ADAM17: variants seen among roughly 807,000 people sequenced by gnomAD.
ADAM17 encodes disintegrin and metalloproteinase domain-containing protein 17.
In ADAM17, 39 loss-of-function variants were observed where a neutral mutation model predicts 96.7. The ratio of observed to expected loss-of-function variants is 0.40; its 90% CI spans 0.31 to 0.53. ADAM17 has a LOEUF of 0.53. ADAM17 is among the 20% of genes least tolerant of loss of function. The pLI is 0.44. For synonymous variants in ADAM17, 344 were observed against 359.2 expected (o/e 0.96, Z 0.48); for missense variants, 777 against 1,013.2 (o/e 0.77, Z 3.17).
intron 10 of ADAM17, among the ~76,000 whole-genome samples, chr2:9,516,614 G>A (rs1188431562): frequency 9.9e-5 from 15 of 151,998 alleles, no homozygotes; most frequent in African/African-American, 1.5e-4. Context: ...TTAGCCAGGC[G>A]TGGTGACAGG....
chr2:9,537,665 G>A (rs1369332683), intron 2 of ADAM17, among the ~76,000 whole-genome samples: 1 of 151,752 alleles, frequency 6.6e-6, no homozygotes, highest in Non-Finnish European at 1.5e-5. Flanking sequence ...CCGGGAGGCG[G>A]AGCCTGCTGT....
chr2:9,507,209 G>A (rs1446175329), intron 11 of ADAM17, among the ~76,000 whole-genome samples: 1 of 152,066 alleles, frequency 6.6e-6, no homozygotes, highest in Non-Finnish European at 1.5e-5. Flanking sequence ...TAAAACATAG[G>A]CTGGGCACAG....
rs749034410 is a variant in ADAM17, at chr2:9,497,105, AC to A, written c.1783+8del. The stretch of plus-strand genomic sequence containing the variant: ...CTCCTGCTGCTGGACTGGGAATAAA[AC>A]TGCTCACCATTACATGCACAGGACT... On this transcript the variant is annotated splice_region_variant and intron_variant, in intron 14 of 18. Transcript: ENST00000310823. 2.5e-6 allele frequency: 4 copies of A among 1,612,726 alleles called. No homozygotes were observed. The East Asian group carries it at 8.9e-5, about 36-fold the overall frequency.
In ADAM17 at chr2:9,509,963, C is replaced by A; in HGVS notation, c.1344+16G>T. On this transcript the variant is annotated intron_variant, in intron 11 of 18. Transcript: ENST00000310823. ...CTCTTTCCAAACCACATAAAAAATT[C>A]TCGACACACACATACCTTATTGTTC... is the stretch of plus-strand genomic sequence containing the variant. 6.2e-7 allele frequency: 1 copy of A among 1,613,028 alleles called. No individual in the cohort carries two copies. Among genetic ancestry groups the A allele is most frequent in the South Asian group, 1.1e-5 (1 of 90,982 alleles).
intron 14 of ADAM17, chr2:9,494,987 C>T (rs1031126040): frequency 7.3e-6 from 3 of 412,564 alleles, no homozygotes; most frequent in Non-Finnish European, 1.3e-5. Flanking sequence ...AAAAAAAATG[C>T]AGAGAAAAAT....
Position 9,493,747 on chromosome 2 carries a change from C to CAAA in ADAM17, c.1990_1992dup (p.Phe664dup), listed in dbSNP as rs1462182218. On this transcript the variant is annotated inframe_insertion and splice_region_variant, in exon 16 of 19. Transcript: ENST00000310823. Reference sequence around the variant, plus strand: ...TAAGTAATCTGGGGAAATCACCTACCAAAAGTATTGATGCTCAGCTGGTCA... The same window carrying CAAA: ...TAAGTAATCTGGGGAAATCACCTACCAAAAAAAGTATTGATGCTCAGCTGGTCA... 1 of 1,613,136 alleles carries CAAA rather than the reference C, an allele frequency of 6.2e-7. No homozygotes were observed. The highest frequency in any genetic ancestry group is 8.5e-7 in the Non-Finnish European group (1 of 1,179,296).
Position 9,490,038 on chromosome 2 carries a change from A to T in ADAM17, c.*139T>A. The T allele has an allele frequency of 1.3e-6, 1 of 760,444 alleles. No homozygotes were observed. The highest frequency in any genetic ancestry group is 2.1e-6 in the Non-Finnish European group (1 of 487,574). The allele number at this position is 760,444 out of a possible 1,614,324, so 47.1% of individuals were successfully genotyped here. On this transcript the variant is annotated 3_prime_UTR_variant, in exon 19 of 19. Transcript: ENST00000310823. ...GGGCCAAACCACACAAGAACTGTTTACCTGCAGGAAGTTCAAACACATGAC... is the reference window on the plus strand; with the variant it reads ...GGGCCAAACCACACAAGAACTGTTTTCCTGCAGGAAGTTCAAACACATGAC...
At chr2:9,513,400 G>C (rs1663849999) in intron 10 of ADAM17, among the ~76,000 whole-genome samples, 1 of 152,222 alleles carries the variant, frequency 6.6e-6, no homozygotes, top group Non-Finnish European at 1.5e-5. Flanking sequence ...CCAAAGAGGA[G>C]AATGTGGAAA....
chr2:9,543,258 T>C lies in ADAM17; in HGVS notation c.125A>G (p.Tyr42Cys). ...GATATTAGATAAAGAGAGAATATCG[T>C]AGTCTGAGAGCAAAGAATCAAGCTT... is the stretch of plus-strand genomic sequence containing the variant. Reference protein sequence around the residue: ...LEKLDSLLSDYDILSLSNIQQ... With the variant: ...LEKLDSLLSDCDILSLSNIQQ... Residue 42 changes from tyrosine (Y) to cysteine (C), a missense_variant, in exon 2 of 19, where the codon TAC becomes TGC. Tyr to Cys is a radical substitution (Grantham distance 194, BLOSUM62 -2). This residue lies in a region of ADAM17 where 134 missense variants were observed against 129.1 expected (regional missense o/e 1.04). Transcript: ENST00000310823. 6.2e-7 allele frequency: 1 copy of C among 1,604,234 alleles called. No individual in the cohort carries two copies. The highest frequency in any genetic ancestry group is 8.5e-7 in the Non-Finnish European group (1 of 1,176,600).
intron 7 of ADAM17, chr2:9,522,305 T>C: frequency 2.0e-6 from 1 of 492,110 alleles, no homozygotes; most frequent in Non-Finnish European, 3.7e-6. Flanking sequence ...ATACGACATC[T>C]CTAGAAAGAT....
At chr2:9,516,410 C>A (rs971856051) in intron 10 of ADAM17, among the ~76,000 whole-genome samples, 8 of 152,086 alleles carry the variant, frequency 5.3e-5, no homozygotes, top group Non-Finnish European at 1.2e-4. Context: ...TTTCAGATAG[C>A]AGTCTTTTCT....
At chr2:9,554,096 C>A (rs1228563482) in intron 1 of ADAM17, among the ~76,000 whole-genome samples, 5 of 152,158 alleles carry the variant, frequency 3.3e-5, no homozygotes, top group Admixed American at 3.3e-4. Flanking sequence ...ACCTTACGAT[C>A]TGCAAATGTT....
In ADAM17 at chr2:9,513,047, T is replaced by TA. The variant is rs571017253; in HGVS notation, c.1192-2917dup. 6.0e-3 allele frequency among the ~76,000 whole-genome samples: 915 copies of TA among 152,172 alleles called. 6 individuals carry two copies. The highest frequency in any genetic ancestry group is 9.7e-3 in the Non-Finnish European group (661 of 67,986). The stretch of plus-strand genomic sequence containing the variant: ...GACAAAGACTCCCTCTGTTGACCAG[T>TA]ACAGTGGCGCAATCTCAGCTCACTG... On this transcript the variant is annotated intron_variant, in intron 10 of 18. Transcript: ENST00000310823.
At chr2:9,527,680 T>C (rs749360020) in intron 5 of ADAM17, 106 bp downstream of exon 5, 18 of 750,656 alleles carry the variant, frequency 2.4e-5, no homozygotes, top group African/African-American at 7.2e-5. Flanking sequence ...CCAAATACTA[T>C]AGTTACTTGA....
chr2:9,528,095 A>G (rs1191090150), intron 4 of ADAM17, 141 bp from the exon 5 acceptor site: 3 of 523,852 alleles, frequency 5.7e-6, no homozygotes, highest in Non-Finnish European at 9.2e-6. Context: ...ATTAAAATAA[A>G]TAATCTCAAT....
chr2:9,536,734 C>A lies in ADAM17; in HGVS notation c.325G>T (p.Val109Leu). 1 of 1,614,074 alleles carries A rather than the reference C, an allele frequency of 6.2e-7. No individual in the cohort carries two copies. Among genetic ancestry groups the A allele is most frequent in the Non-Finnish European group, 8.5e-7 (1 of 1,179,974 alleles). The change falls in exon 3 of 19, where the codon GTA (valine) becomes TTA (leucine). Residue 109 changes from valine (V) to leucine (L), a missense_variant. Around this residue, in one of 3 missense-constraint regions of ADAM17, gnomAD observed 134 missense variants for 129.1 expected, o/e 1.04. Transcript: ENST00000310823. ...VDGKNESEYT[V>L]KWQDFFTGHV... ...CCAGTGAAGAAGTCCTGCCATTTTA[C>A]AGTGTACTCGCTTTCGTTTTTACCA...
At chr2:9,493,865 A>G (rs771616933) in intron 15 of ADAM17, 40 bp from the exon 16 acceptor site, 1 of 1,532,060 alleles carries the variant, frequency 6.5e-7, no homozygotes, top group South Asian at 1.1e-5. Context: ...ATTCCCAAAC[A>G]CAATGTATTC....
chr2:9,507,131 G>A (rs766377894), intron 11 of ADAM17: 8 of 152,098 alleles, frequency 5.3e-5, no homozygotes, highest in Non-Finnish European at 1.0e-4. Context: ...CTAGGTCAAG[G>A]AACTACTTTA....
At chr2:9,551,953 T>C (rs1665602895) in intron 1 of ADAM17, among the ~76,000 whole-genome samples, 1 of 152,170 alleles carries the variant, frequency 6.6e-6, no homozygotes, top group African/African-American at 2.4e-5. Flanking sequence ...ACATAAGTAC[T>C]ACACAGTAAA....
Sources: allele counts gnomAD v4.1 joint callset (sites outside exome capture counted in the v4.1 genomes callset), GRCh38; gene constraint gnomAD v4.1.1; regional missense constraint gnomAD v4.1.1; transcripts MANE v1.5; gene names NCBI Gene and HGNC (gene_info 2026-07-23, HGNC 2026-07-21).